The following ELANE variants were observed in gnomAD, a reference collection of about 807,000 sequenced individuals.
ELANE encodes elastase, neutrophil expressed.
A neutral mutation model predicts 20.6 loss-of-function variants in ELANE; 12 were observed. The observed-to-expected ratio is 0.58, with a 90% confidence interval of 0.37 to 0.94. The LOEUF (loss-of-function observed/expected upper bound fraction) is 0.94. ELANE is among the 40% of genes least tolerant of loss of function. ELANE has a pLI of 0.01. For missense variants in ELANE, 388 were observed against 395.2 expected, an observed-to-expected ratio of 0.98 and a Z score of 0.15; for synonymous variants, 203 against 177.4, an observed-to-expected ratio of 1.14 and a Z score of -1.15.
rs766957092 is a variant in ELANE, at chr19:855,922, C to T, written c.598-36C>T. On this transcript the variant is annotated intron_variant, in intron 4 of 4. Transcript: ENST00000263621. The surrounding 1 kb of genome is among the most constrained non-coding windows in gnomAD (Gnocchi z 6.2). ...GGCGGCGGGCAGGTGGGCAGGGCCT[C>T]GCAGTCCAGCTTCCCCACCTTGTCT... 4 of 1,611,550 alleles carry T rather than the reference C, an allele frequency of 2.5e-6. No individual in the cohort carries two copies. Among genetic ancestry groups the T allele is most frequent in the Admixed American group, 1.7e-5 (1 of 60,016 alleles).
In ELANE at chr19:853,111, G is replaced by C. The variant is rs2035620143; in HGVS notation, c.224+79G>C. On this transcript the variant is annotated intron_variant, in intron 2 of 4. Transcript: ENST00000263621. ...AGGTGGGTGGGGGGAGGCCGGGGCC[G>C]GGGCTGCTGGCGGGGGGGGGTCCGT... The C allele has an allele frequency of 4.0e-6, 6 of 1,496,720 alleles. No individual in the cohort carries two copies. In the East Asian group the frequency reaches 7.8e-5, roughly 19 times the overall value. The allele number at this position is 1,496,720 out of a possible 1,614,324, so 92.7% of individuals were successfully genotyped here.
intron 1 of ELANE, 67 bp downstream of exon 1, chr19:852,462 A>G (rs2035608891): frequency 3.9e-6 from 6 of 1,558,008 alleles, no homozygotes; most frequent in Non-Finnish European, 5.2e-6. Context: ...CTCTCCATAG[A>G]GGGCCCCACC....
Position 855,149 on chromosome 19 carries a change from G to A in ELANE, c.367-415G>A, listed in dbSNP as rs1568305348. On this transcript the variant is annotated intron_variant, in intron 3 of 4. Transcript: ENST00000263621. The surrounding 1 kb of genome is among the most constrained non-coding windows in gnomAD (Gnocchi z 6.2). ...ATTATAGGCGTGAGCCACCGCACCT[G>A]GCAATTTTTTTTTATTATTTTTGTA... 6.6e-6 allele frequency among the ~76,000 whole-genome samples: 1 copy of A among 152,054 alleles called. No individual in the cohort carries two copies. Among genetic ancestry groups the A allele is most frequent in the African/African-American group, 2.4e-5 (1 of 41,384 alleles).
In ELANE at chr19:853,449, C is replaced by T. The variant is rs747459972; in HGVS notation, c.366+46C>T. The T allele has an allele frequency of 1.4e-5, 21 of 1,519,910 alleles. No homozygotes were observed. In the African/African-American group the frequency reaches 2.8e-4, roughly 20 times the overall value. The allele number at this position is 1,519,910 out of a possible 1,614,324, so 94.2% of individuals were successfully genotyped here. On this transcript the variant is annotated intron_variant, in intron 3 of 4. Transcript: ENST00000263621. ...GGGCGCAGGGGCGGAGGCCAGAGGC[C>T]TGGGGAGGGTGGAGGCTGCGACGGA...
In ELANE at chr19:853,124, G is replaced by C. The variant is rs17216635; in HGVS notation, c.224+92G>C. ...GAGGCCGGGGCCGGGGCTGCTGGCGGGGGGGGGTCCGTCCAGGGCCCGCGG... is the reference window on the plus strand; with the variant it reads ...GAGGCCGGGGCCGGGGCTGCTGGCGCGGGGGGGTCCGTCCAGGGCCCGCGG... On this transcript the variant is annotated intron_variant, in intron 2 of 4. Coordinates refer to ENST00000263621, the MANE Select transcript of ELANE (RefSeq NM_001972.4). 5 of 1,426,102 alleles carry C rather than the reference G, an allele frequency of 3.5e-6. No homozygotes were observed. In the African/African-American group the frequency reaches 5.7e-5, roughly 16 times the overall value. The allele number at this position is 1,426,102 out of a possible 1,614,324, so 88.3% of individuals were successfully genotyped here. A position where few individuals can be genotyped will look rare whatever the true frequency, so the allele number is the denominator to read the frequency against.
intron 3 of ELANE, 41 bp downstream of exon 3, chr19:853,444 G>A: frequency 4.5e-6 from 7 of 1,551,684 alleles, no homozygotes; most frequent in Non-Finnish European, 6.1e-6. Context: ...GCGGAGGCCA[G>A]AGGCCTGGGG....
chr19:853,092 G>T, intron 2 of ELANE, 60 bp downstream of exon 2: 2 of 1,519,244 alleles, frequency 1.3e-6, no homozygotes, highest in Non-Finnish European at 1.8e-6. Flanking sequence ...TGTGAGGTGG[G>T]TGGGGGGAGG....
At chr19:852,600 G>GA (rs1016755612) in intron 1 of ELANE, among the ~76,000 whole-genome samples, 2 of 143,834 alleles carry the variant, frequency 1.4e-5, no homozygotes, top group African/African-American at 5.0e-5. Context: ...GGGGAGGGGG[G>GA]GGGGGTCGCA....
In ELANE at chr19:855,498, C is replaced by G; in HGVS notation, c.367-66C>G. The G allele has an allele frequency of 2.0e-6, 3 of 1,530,960 alleles. No individual in the cohort carries two copies. Among genetic ancestry groups the G allele is most frequent in the East Asian group, 2.4e-5 (1 of 42,464 alleles). 94.8% of individuals were successfully genotyped at this position (1,530,960 alleles called of 1,614,324 possible). On this transcript the variant is annotated intron_variant, in intron 3 of 4. Transcript: ENST00000263621. The surrounding 1 kb of genome is among the most constrained non-coding windows in gnomAD (Gnocchi z 6.2). ...AACCTGAGATGGGGAAACTGAGGCC[C>G]GGAGAGGGGAGGGTCATCATCACTG...
Position 853,266 on chromosome 19 carries a change from G to T in ELANE, c.229G>T (p.Val77Phe). Reference sequence around the variant, plus strand: ...CCGCCTCTCCCTCCCCGGCAGAAACGTCCGCGCGGTGCGGGTGGTCCTGGG... The same window carrying T: ...CCGCCTCTCCCTCCCCGGCAGAAACTTCCGCGCGGTGCGGGTGGTCCTGGG... ...SAAHCVANVN[V>F]RAVRVVLGAH... The change falls in exon 3 of 5, where the codon GTC becomes TTC. Residue 77 changes from valine to phenylalanine, a missense_variant. Around this residue, in one of 3 missense-constraint regions of ELANE, gnomAD observed 321 missense variants for 309.8 expected, o/e 1.04. Transcript: ENST00000263621. The T allele has an allele frequency of 6.3e-7, 1 of 1,599,980 alleles. No homozygotes were observed. Among genetic ancestry groups the T allele is most frequent in the East Asian group, 2.3e-5 (1 of 44,094 alleles).
In ELANE at chr19:855,988, G is replaced by A. The variant is rs140880838; in HGVS notation, c.628G>A (p.Gly210Arg). The change falls in exon 5 of 5, where the codon GGG becomes AGG. Residue 210 changes from glycine to arginine, a missense_variant. Around this residue, in one of 3 missense-constraint regions of ELANE, gnomAD observed 321 missense variants for 309.8 expected, o/e 1.04. Transcript: ENST00000263621. The surrounding 1 kb of genome is among the most constrained non-coding windows in gnomAD (Gnocchi z 6.2). Reference protein sequence around the residue: ...GDSGSPLVCNGLIHGIASFVR... With the variant: ...GDSGSPLVCNRLIHGIASFVR... ...CTCCGGCAGCCCCTTGGTCTGCAAC[G>A]GGCTAATCCACGGAATTGCCTCCTT... 14 of 1,613,262 alleles carry A rather than the reference G, an allele frequency of 8.7e-6. No homozygotes were observed. The highest frequency in any genetic ancestry group is 4.0e-5 in the African/African-American group (3 of 74,936).
intron 3 of ELANE, among the ~76,000 whole-genome samples, chr19:854,615 G>C (rs928774903): frequency 1.3e-5 from 2 of 149,532 alleles, no homozygotes; most frequent in African/African-American, 4.9e-5. Context: ...GTGCCACCAC[G>C]TGGGTCCACC....
chr19:853,317 C>G lies in ELANE; in HGVS notation c.280C>G (p.Pro94Ala), dbSNP rs1181023169. The G allele has an allele frequency of 6.2e-7, 1 of 1,610,588 alleles. No individual in the cohort carries two copies. The highest frequency in any genetic ancestry group is 2.2e-5 in the East Asian group (1 of 44,776). ...LGAHNLSRREPTRQVFAVQRI... is the reference protein window; with the variant it reads ...LGAHNLSRREATRQVFAVQRI... Reference sequence around the variant, plus strand: ...AGCCCATAACCTCTCGCGGCGGGAGCCCACCCGGCAGGTGTTCGCCGTGCA... The same window carrying G: ...AGCCCATAACCTCTCGCGGCGGGAGGCCACCCGGCAGGTGTTCGCCGTGCA... The change falls in exon 3 of 5, where the codon CCC becomes GCC. Residue 94 changes from proline to alanine, a missense_variant. Pro to Ala is a conservative substitution (Grantham distance 27, BLOSUM62 -1). Transcript: ENST00000263621.
At chr19:853,204 G>C in intron 2 of ELANE, 58 bp from the exon 3 acceptor site, 2 of 1,529,798 alleles carry the variant, frequency 1.3e-6, no homozygotes, top group Non-Finnish European at 1.8e-6. Flanking sequence ...ACGACAAGGC[G>C]CGGCTGAGCC....
intron 3 of ELANE, among the ~76,000 whole-genome samples, chr19:854,766 A>G (rs1269562347): frequency 6.8e-6 from 1 of 146,452 alleles, no homozygotes; most frequent in East Asian, 2.0e-4. Flanking sequence ...AATATCATTT[A>G]TAATTATAAT....
At position 855,434 on chromosome 19, in the gene ELANE, G is replaced by A; in HGVS notation, c.367-130G>A. 9.9e-7 allele frequency: 1 copy of A among 1,008,236 alleles called. No homozygotes were observed. Among genetic ancestry groups the A allele is most frequent in the South Asian group, 1.4e-5 (1 of 72,940 alleles). The allele number at this position is 1,008,236 out of a possible 1,614,324, so 62.5% of individuals were successfully genotyped here. A position where few individuals can be genotyped will look rare whatever the true frequency, so the allele number is the denominator to read the frequency against. ...CTTGCCTTGGGGAGCAGAGTGTGGG[G>A]TGGGTATCCTGCCCTGCAGGATCCC... On this transcript the variant is annotated intron_variant, in intron 3 of 4. Coordinates refer to ENST00000263621, the MANE Select transcript of ELANE (RefSeq NM_001972.4). This position sits in a 1 kb window ranked among gnomAD's most constrained non-coding sequence, Gnocchi z 6.2.
rs746799175 is a variant in ELANE at position 853,265 on chromosome 19, C to G, written c.228C>G (p.Asn76Lys). The G allele has an allele frequency of 5.0e-6, 8 of 1,599,704 alleles. No homozygotes were observed. Among genetic ancestry groups the G allele is most frequent in the South Asian group, 1.1e-5 (1 of 89,252 alleles). ...MSAAHCVANVNVRAVRVVLGA... is the reference protein window; with the variant it reads ...MSAAHCVANVKVRAVRVVLGA... The stretch of plus-strand genomic sequence containing the variant: ...CCCGCCTCTCCCTCCCCGGCAGAAA[C>G]GTCCGCGCGGTGCGGGTGGTCCTGG... The change falls in exon 3 of 5, where the codon AAC (asparagine) becomes AAG (lysine). Residue 76 changes from asparagine to lysine, a missense_variant. This residue lies in a region of ELANE where 321 missense variants were observed against 309.8 expected (regional missense o/e 1.04). Coordinates refer to ENST00000263621, the MANE Select transcript of ELANE (RefSeq NM_001972.4).
At chr19:853,527 G>A in intron 3 of ELANE, 124 bp downstream of exon 3, 2 of 1,172,764 alleles carry the variant, frequency 1.7e-6, no homozygotes, top group East Asian at 2.6e-5. Context: ...TGGGCTGGGT[G>A]GTCCCCTCTC....
rs1006070566 is a variant in ELANE at position 855,266 on chromosome 19, C to A, written c.367-298C>A. On this transcript the variant is annotated intron_variant, in intron 3 of 4. Transcript: ENST00000263621. The surrounding 1 kb of genome is among the most constrained non-coding windows in gnomAD (Gnocchi z 6.2). ...TCGCCCTCCCAAAGTGCTGGGCTTA[C>A]AAGCATGAGCCACCGCGCCCGGCTG... is the stretch of plus-strand genomic sequence containing the variant. 6.6e-6 allele frequency among the ~76,000 whole-genome samples: 1 copy of A among 152,110 alleles called. No individual in the cohort carries two copies. The highest frequency in any genetic ancestry group is 2.4e-5 in the African/African-American group (1 of 41,412).
Sources: gnomAD v4.1 joint callset for allele counts (sites outside exome capture counted in the v4.1 genomes callset) on GRCh38, gnomAD v4.1.1 for gene constraint, gnomAD v4.1.1 regional missense constraint, Gnocchi (gnomAD v3.1) non-coding constraint, MANE v1.5 for transcripts, NCBI Gene and HGNC (gene_info 2026-07-23, HGNC 2026-07-21) for gene names.